The following ATG10 variants were observed in gnomAD, a reference collection of about 807,000 sequenced individuals.
ATG10 encodes ubiquitin-like-conjugating enzyme ATG10.
Under a neutral mutation model 32.1 loss-of-function variants are expected in ATG10, and 30 were observed. That is an observed-to-expected ratio of 0.94 (90% CI 0.70 to 1.27). The LOEUF is 1.27. Among genes scored for constraint, ATG10 ranks in the 50% most tolerant of loss-of-function variants. The pLI, the probability that ATG10 is intolerant of heterozygous loss-of-function variation, is 0.00. For synonymous variants in ATG10, 87 were observed against 91.5 expected (o/e 0.95, Z 0.28); for missense variants, 233 against 262.3 (o/e 0.89, Z 0.77).
intron 3 of ATG10, among the ~76,000 whole-genome samples, chr5:82,159,610 A>G (rs1743224238): frequency 6.6e-6 from 1 of 152,066 alleles, no homozygotes; most frequent in South Asian, 2.1e-4. Flanking sequence ...GAACAGTATA[A>G]TGAACACCCA....
chr5:82,089,119 A>G (rs1438197021), intron 3 of ATG10, among the ~76,000 whole-genome samples: 1 of 152,122 alleles, frequency 6.6e-6, no homozygotes, highest in African/African-American at 2.4e-5. Flanking sequence ...TGGGAGACTG[A>G]GGTGTGCAGA....
chr5:82,173,348 A>G (rs1324209351), intron 4 of ATG10, among the ~76,000 whole-genome samples: 3 of 152,244 alleles, frequency 2.0e-5, no homozygotes, highest in African/African-American at 7.2e-5. Flanking sequence ...CATGTGGGTT[A>G]TTATTCAATT....
At chr5:82,032,158 C>G (rs1762758606) in intron 2 of ATG10, among the ~76,000 whole-genome samples, 1 of 152,170 alleles carries the variant, frequency 6.6e-6, no homozygotes, top group South Asian at 2.1e-4. Flanking sequence ...CTGTTTGCCC[C>G]TGGAAACGTG....
chr5:82,067,679 GT>G (rs1200439462), intron 3 of ATG10, among the ~76,000 whole-genome samples: 1 of 152,080 alleles, frequency 6.6e-6, no homozygotes, highest in East Asian at 1.9e-4. Context: ...GAAATTGTCT[GT>G]GCTATATTCT....
At chr5:82,030,823 T>C (rs1762723699) in intron 2 of ATG10, among the ~76,000 whole-genome samples, 1 of 152,212 alleles carries the variant, frequency 6.6e-6, no homozygotes, top group African/African-American at 2.4e-5. Context: ...CTCTTGTGTC[T>C]TAAAATTGTG....
At chr5:82,213,943 G>C (rs1470698485) in intron 5 of ATG10, among the ~76,000 whole-genome samples, 1 of 152,104 alleles carries the variant, frequency 6.6e-6, no homozygotes, top group Non-Finnish European at 1.5e-5. Context: ...TCTCGACTTT[G>C]GGCCTTAGAT....
At chr5:82,224,440 A>G (rs1746040423) in intron 5 of ATG10, among the ~76,000 whole-genome samples, 1 of 152,202 alleles carries the variant, frequency 6.6e-6, no homozygotes, top group African/African-American at 2.4e-5. Flanking sequence ...CAGGCCCCCA[A>G]AAGGTTCAGC....
rs894984336 is a variant in ATG10 at position 82,120,510 on chromosome 5, G to T, written c.217-43889G>T. On this transcript the variant is annotated intron_variant, in intron 3 of 7. Transcript: ENST00000282185. The stretch of plus-strand genomic sequence containing the variant: ...TATAGAAAGAATTGTTCAGATTTTT[G>T]ATTTAGGCAAATCTTACCTGAAGTA... Among the ~76,000 whole-genome samples, 4 of 152,312 alleles carry T rather than the reference G, an allele frequency of 2.6e-5. No individual in the cohort carries two copies. The South Asian group carries it at 8.3e-4, about 32-fold the overall frequency.
chr5:82,007,633 T>C (rs80017604), intron 2 of ATG10, among the ~76,000 whole-genome samples: 1,755 of 152,226 alleles, frequency 0.012, 25 homozygotes, highest in African/African-American at 0.041. Context: ...TGTAATTTTT[T>C]TGTAGAGATG....
At chr5:82,215,391 T>C (rs1745637541) in intron 5 of ATG10, among the ~76,000 whole-genome samples, 1 of 152,188 alleles carries the variant, frequency 6.6e-6, no homozygotes. Context: ...ATTCTATTTG[T>C]TAGAAGCAAG....
chr5:82,167,847 A>G (rs1201583790), intron 4 of ATG10, among the ~76,000 whole-genome samples: 5 of 152,228 alleles, frequency 3.3e-5, no homozygotes, highest in Non-Finnish European at 7.3e-5. Context: ...TTAAGAGAAG[A>G]AATAAGCCCT....
At chr5:82,154,780 A>G (rs1215923254) in intron 3 of ATG10, among the ~76,000 whole-genome samples, 4 of 152,236 alleles carry the variant, frequency 2.6e-5, no homozygotes. Context: ...CTGGCACGTC[A>G]TAGATACTTG....
chr5:82,128,532 C>T, intron 3 of ATG10, among the ~76,000 whole-genome samples: 1 of 151,736 alleles, frequency 6.6e-6, no homozygotes, highest in Non-Finnish European at 1.5e-5. Flanking sequence ...GATTTTATTT[C>T]TCCTTCATTT....
chr5:82,102,662 A>G (rs984147860), intron 3 of ATG10, among the ~76,000 whole-genome samples: 13 of 152,170 alleles, frequency 8.5e-5, no homozygotes, highest in African/African-American at 3.1e-4. Flanking sequence ...AACTCTTCCA[A>G]TACATAAAAA....
At chr5:82,253,511 C>T (rs1477113635) in intron 7 of ATG10, 82 bp downstream of exon 7, 1 of 975,340 alleles carries the variant, frequency 1.0e-6, no homozygotes. Context: ...CCACCAAATG[C>T]AAAATTTGCT....
At chr5:82,102,520 A>G (rs956497125) in intron 3 of ATG10, among the ~76,000 whole-genome samples, 7 of 152,190 alleles carry the variant, frequency 4.6e-5, no homozygotes, top group African/African-American at 1.7e-4. Flanking sequence ...GAGAAAATCT[A>G]TTGTTTGCCA....
At chr5:82,140,133 C>T (rs1767024100) in intron 3 of ATG10, among the ~76,000 whole-genome samples, 1 of 117,780 alleles carries the variant, frequency 8.5e-6, no homozygotes, top group Admixed American at 7.9e-5. Flanking sequence ...TGCCCGGCCG[C>T]CCCTTCTGGG....
At chr5:82,141,069 C>T (rs1161748186) in intron 3 of ATG10, among the ~76,000 whole-genome samples, 1 of 122,442 alleles carries the variant, frequency 8.2e-6, no homozygotes, top group Admixed American at 8.7e-5. Context: ...CTCAAGTAAT[C>T]AGGGACACAA....
chr5:82,138,857 CCCCCT>C (rs1766893992), intron 3 of ATG10, among the ~76,000 whole-genome samples: 1 of 55,066 alleles, frequency 1.8e-5, no homozygotes, highest in Non-Finnish European at 3.6e-5. Flanking sequence ...CCCTCCCCCT[CCCCCT>C]CCCCCTCCCC....
Sources: gnomAD v4.1 joint callset for allele counts (sites outside exome capture counted in the v4.1 genomes callset) on GRCh38, gnomAD v4.1.1 for gene constraint, MANE v1.5 for transcripts, NCBI Gene and HGNC (gene_info 2026-07-23, HGNC 2026-07-21) for gene names.